PDE3A: variants seen among roughly 807,000 people sequenced by gnomAD.
The protein encoded by PDE3A is phosphodiesterase 3A.
Under a neutral mutation model 98.3 loss-of-function variants are expected in PDE3A, and 43 were observed. The ratio of observed to expected loss-of-function variants is 0.44; its 90% CI spans 0.34 to 0.56. PDE3A has a LOEUF of 0.56. Ranked by LOEUF, PDE3A falls within the 20% of genes least tolerant of loss-of-function variation. The pLI is 0.01. For synonymous variants in PDE3A, 663 were observed against 567.9 expected (o/e 1.17, Z -2.38); for missense variants, 1,427 against 1,440.7 (o/e 0.99, Z 0.15).
intron 15 of PDE3A, among the ~76,000 whole-genome samples, chr12:20,679,378 G>T (rs1945713763): frequency 6.6e-6 from 1 of 152,126 alleles, no homozygotes. Context: ...CTCCTGAGTA[G>T]CTGGGACTAC....
chr12:20,498,269 C>T lies in PDE3A; in HGVS notation c.961-58391C>T, dbSNP rs530942034. Among the ~76,000 whole-genome samples the T allele has an allele frequency of 2.5e-4, 38 of 151,146 alleles. No homozygotes were observed. The South Asian group carries it at 4.0e-3, about 16-fold the overall frequency. On this transcript the variant is annotated intron_variant, in intron 1 of 15. Coordinates refer to ENST00000359062, the MANE Select transcript of PDE3A (RefSeq NM_000921.5). The stretch of plus-strand genomic sequence containing the variant: ...GTGGAGCTTGCAGATTAAAATATAC[C>T]GCCCACCCCCCCAACTGAAGGAAAT...
At chr12:20,554,597 T>A (rs1020401881) in intron 1 of PDE3A, among the ~76,000 whole-genome samples, 1 of 151,814 alleles carries the variant, frequency 6.6e-6, no homozygotes, top group Non-Finnish European at 1.5e-5. Context: ...TTTTTTTTCT[T>A]TTTTTGTGAG....
chr12:20,556,827 C>G, intron 2 of PDE3A, 117 bp downstream of exon 2: 1 of 770,138 alleles, frequency 1.3e-6, no homozygotes, highest in South Asian at 1.5e-5. Flanking sequence ...AATAACCATG[C>G]CATTTGTTTT....
intron 1 of PDE3A, among the ~76,000 whole-genome samples, chr12:20,429,055 A>G (rs950437773): frequency 6.6e-6 from 1 of 152,246 alleles, no homozygotes; most frequent in African/African-American, 2.4e-5. Flanking sequence ...CGTACACAAC[A>G]CTTAACACAA....
At chr12:20,532,838 G>A (rs955045419) in intron 1 of PDE3A, among the ~76,000 whole-genome samples, 17 of 151,912 alleles carry the variant, frequency 1.1e-4, no homozygotes, top group Admixed American at 9.2e-4. Context: ...ACAGGCGCCC[G>A]CCACTACGCC....
chr12:20,643,314 A>C (rs1406968615), intron 10 of PDE3A, among the ~76,000 whole-genome samples: 1 of 151,440 alleles, frequency 6.6e-6, no homozygotes. Context: ...ATCTTTGAGC[A>C]TTTTTATGTA....
At chr12:20,618,012 C>G (rs748093922) in intron 4 of PDE3A, among the ~76,000 whole-genome samples, 1 of 152,082 alleles carries the variant, frequency 6.6e-6, no homozygotes, top group Non-Finnish European at 1.5e-5. Context: ...TAAGGAATAG[C>G]ATACAATTCC....
At chr12:20,468,096 T>A (rs909475009) in intron 1 of PDE3A, among the ~76,000 whole-genome samples, 1 of 151,954 alleles carries the variant, frequency 6.6e-6, no homozygotes, top group Non-Finnish European at 1.5e-5. Flanking sequence ...TTAAATAGCA[T>A]TGTTTAGGTT....
chr12:20,422,241 G>A lies in PDE3A; in HGVS notation c.960+51997G>A, dbSNP rs963107524. ...GGCACCTGTAGTCCCAGCTACTCGG[G>A]AGGCTGAGGGGAGAATGGCGTGAAC... On this transcript the variant is annotated intron_variant, in intron 1 of 15. Transcript: ENST00000359062. Among the ~76,000 whole-genome samples the A allele has an allele frequency of 1.2e-4, 19 of 152,164 alleles. No homozygotes were observed. In the East Asian group the frequency reaches 3.5e-3, roughly 28 times the overall value.
intron 1 of PDE3A, among the ~76,000 whole-genome samples, chr12:20,462,812 T>A (rs903001575): frequency 6.6e-6 from 1 of 151,852 alleles, no homozygotes; most frequent in Non-Finnish European, 1.5e-5. Flanking sequence ...TTTTTATGAG[T>A]CAGCATCTCA....
intron 1 of PDE3A, among the ~76,000 whole-genome samples, chr12:20,460,854 A>G (rs1032941581): frequency 4.6e-5 from 7 of 152,128 alleles, no homozygotes; most frequent in African/African-American, 1.7e-4. Flanking sequence ...ACTGCCATTC[A>G]CATAAGCAAA....
chr12:20,566,212 T>A (rs576566195), intron 2 of PDE3A, among the ~76,000 whole-genome samples: 1 of 152,076 alleles, frequency 6.6e-6, no homozygotes, highest in African/African-American at 2.4e-5. Flanking sequence ...CGGAGTTTTT[T>A]TTTCTCCTTT....
intron 1 of PDE3A, among the ~76,000 whole-genome samples, chr12:20,430,741 T>C (rs1283621308): frequency 6.6e-6 from 1 of 152,188 alleles, no homozygotes; most frequent in Non-Finnish European, 1.5e-5. Flanking sequence ...GGCTGCAGCC[T>C]GAATTCCTGA....
chr12:20,654,714 A>G (rs10841586), intron 15 of PDE3A, among the ~76,000 whole-genome samples: 73,281 of 139,322 alleles, frequency 0.53, 19,305 homozygotes, highest in East Asian at 0.74. Flanking sequence ...GGGTTTCACC[A>G]TGTTAGCCAG....
rs1231824593 is a variant in PDE3A at position 20,369,445 on chromosome 12, C to T, written c.161C>T (p.Pro54Leu). Residue 54 changes from proline (P) to leucine (L), a missense_variant, in exon 1 of 16, where the codon CCG becomes CTG. Pro to Leu is a moderately conservative substitution (Grantham distance 98). This residue lies in a region of PDE3A where 1,012 missense variants were observed against 886.5 expected (regional missense o/e 1.14). Coordinates refer to ENST00000359062, the MANE Select transcript of PDE3A (RefSeq NM_000921.5). ...TGCTGGGGAGACCTGGTGCTGCAGC[C>T]GCTCCGGAGCTCTCGGAAACTTTCC... is the stretch of plus-strand genomic sequence containing the variant. ...RGCWGDLVLQ[P>L]LRSSRKLSSA... The T allele has an allele frequency of 2.6e-6, 4 of 1,555,406 alleles. No homozygotes were observed. In the Admixed American group the frequency reaches 5.7e-5, roughly 22 times the overall value.
Position 20,600,691 on chromosome 12 carries a change from CT to C in PDE3A, c.1012-12750del, listed in dbSNP as rs571475802. Among the ~76,000 whole-genome samples the C allele has an allele frequency of 2.3e-4, 35 of 152,254 alleles. No homozygotes were observed. In the East Asian group the frequency reaches 6.8e-3, roughly 29 times the overall value. On this transcript the variant is annotated intron_variant, in intron 2 of 15. Coordinates refer to ENST00000359062, the MANE Select transcript of PDE3A (RefSeq NM_000921.5). The stretch of plus-strand genomic sequence containing the variant: ...TTTTGTGTCAGTACTATTACTTCTC[CT>C]TGGCATTTTCACTGTTTTCTGGACA...
intron 1 of PDE3A, among the ~76,000 whole-genome samples, chr12:20,468,781 A>C (rs926671043): frequency 3.9e-5 from 6 of 152,216 alleles, no homozygotes; most frequent in Admixed American, 2.0e-4. Flanking sequence ...CAAGCACTGT[A>C]ATTGGGTTTT....
At chr12:20,510,012 A>T (rs1455316367) in intron 1 of PDE3A, among the ~76,000 whole-genome samples, 1 of 152,006 alleles carries the variant, frequency 6.6e-6, no homozygotes, top group African/African-American at 2.4e-5. Flanking sequence ...ATGATAAAAC[A>T]TTTCAAATGT....
intron 1 of PDE3A, among the ~76,000 whole-genome samples, chr12:20,420,469 C>G (rs116467691): frequency 6.6e-6 from 1 of 151,994 alleles, no homozygotes; most frequent in African/African-American, 2.4e-5. Flanking sequence ...AGCTAGCATC[C>G]GAGAGGAATG....
Sources: allele counts gnomAD v4.1 joint callset (sites outside exome capture counted in the v4.1 genomes callset), GRCh38; gene constraint gnomAD v4.1.1; regional missense constraint gnomAD v4.1.1; transcripts MANE v1.5; gene names NCBI Gene and HGNC (gene_info 2026-07-23, HGNC 2026-07-21).